The following ZCCHC24 variants were observed in gnomAD, a reference collection of about 807,000 sequenced individuals.
ZCCHC24 encodes the protein zinc finger CCHC-type containing 24.
A neutral mutation model predicts 26.2 loss-of-function variants in ZCCHC24; 10 were observed. The ratio of observed to expected loss-of-function variants is 0.38; its 90% CI spans 0.24 to 0.65. The LOEUF is 0.65. Ranked by LOEUF, ZCCHC24 falls within the 30% of genes least tolerant of loss-of-function variation. The pLI is 0.54. For missense variants in ZCCHC24, 243 were observed against 329.1 expected (o/e 0.74, Z 2.03); for synonymous variants, 144 against 147.1 (o/e 0.98, Z 0.15).
intron 2 of ZCCHC24, among the ~76,000 whole-genome samples, chr10:79,412,026 A>T (rs536435106): frequency 1.3e-5 from 2 of 152,078 alleles, no homozygotes; most frequent in African/African-American, 4.8e-5. Context: ...AGTGGGAGGA[A>T]CCACGTGGGG....
intron 2 of ZCCHC24, among the ~76,000 whole-genome samples, chr10:79,425,052 A>G (rs1260720129): frequency 6.6e-6 from 1 of 152,090 alleles, no homozygotes; most frequent in East Asian, 1.9e-4. Context: ...GGTGATGGGA[A>G]CATGTCTGGA....
chr10:79,385,721 C>A lies in ZCCHC24; in HGVS notation c.*624G>T, dbSNP rs141290665. ...CATGCCTAACCCCTCCTATCTGGGTCCATAGCGTGGGGAGGGGGGCACACC... is the reference window on the plus strand; with the variant it reads ...CATGCCTAACCCCTCCTATCTGGGTACATAGCGTGGGGAGGGGGGCACACC... On this transcript the variant is annotated 3_prime_UTR_variant, in exon 4 of 4. Transcript: ENST00000372336. This position sits in a 1 kb window ranked among gnomAD's most constrained non-coding sequence, Gnocchi z 4.3. 275 of 159,406 alleles carry A rather than the reference C, an allele frequency of 1.7e-3. 3 individuals are homozygous for A. Among genetic ancestry groups the A allele is most frequent in the African/African-American group, 6.4e-3 (267 of 41,798 alleles). 9.9% of individuals were successfully genotyped at this position (159,406 alleles called of 1,614,324 possible).
chr10:79,408,249 C>T (rs1017217283), intron 2 of ZCCHC24, among the ~76,000 whole-genome samples: 1 of 152,202 alleles, frequency 6.6e-6, no homozygotes, highest in Admixed American at 6.5e-5. Flanking sequence ...TAGCTCCCTG[C>T]TCTGCCTGCA....
At chr10:79,427,878 C>T (rs1207739822) in intron 2 of ZCCHC24, among the ~76,000 whole-genome samples, 1 of 150,906 alleles carries the variant, frequency 6.6e-6, no homozygotes. Context: ...AATCCTGTCT[C>T]CATAAAAAGA....
At chr10:79,429,243 G>A (rs1209946672) in intron 2 of ZCCHC24, among the ~76,000 whole-genome samples, 1 of 152,186 alleles carries the variant, frequency 6.6e-6, no homozygotes, top group Non-Finnish European at 1.5e-5. Flanking sequence ...TCTACAGAGA[G>A]AGAAATAGAT....
rs561884774 is a variant in ZCCHC24 at position 79,423,581 on chromosome 10, C to CTATATATATATA, written c.447+8965_447+8976dup. ...AACAAAAACAAACAAAATATATATACTATATATATATATATATATATATAT... is the reference window on the plus strand; with the variant it reads ...AACAAAAACAAACAAAATATATATACTATATATATATATATATATATATATATATATATATAT... On this transcript the variant is annotated intron_variant, in intron 2 of 3. Coordinates refer to ENST00000372336, the MANE Select transcript of ZCCHC24 (RefSeq NM_153367.4). Among the ~76,000 whole-genome samples, 84 of 53,762 alleles carry CTATATATATATA rather than the reference C, an allele frequency of 1.6e-3. 2 individuals carry two copies. The highest frequency in any genetic ancestry group is 4.9e-3 in the African/African-American group (64 of 13,020). The allele number at this position is 53,762 out of a possible 152,430, so 35.3% of individuals were successfully genotyped here.
chr10:79,438,421 C>T (rs966968733), intron 1 of ZCCHC24, among the ~76,000 whole-genome samples: 1 of 152,166 alleles, frequency 6.6e-6, no homozygotes, highest in African/African-American at 2.4e-5. Flanking sequence ...GGAGATAGCC[C>T]GTGGGCAAGG....
At chr10:79,398,354 G>C (rs185930058) in intron 2 of ZCCHC24, among the ~76,000 whole-genome samples, 1 of 152,310 alleles carries the variant, frequency 6.6e-6, no homozygotes, top group South Asian at 2.1e-4. Context: ...CCTGCCTCCC[G>C]GGGCTGTTGG....
At chr10:79,419,542 GT>G (rs1856911560) in intron 2 of ZCCHC24, among the ~76,000 whole-genome samples, 1 of 152,200 alleles carries the variant, frequency 6.6e-6, no homozygotes, top group African/African-American at 2.4e-5. Flanking sequence ...GGGCACTTGA[GT>G]TACTCCAAGA....
chr10:79,421,061 G>A (rs1856927048), intron 2 of ZCCHC24, among the ~76,000 whole-genome samples: 3 of 152,196 alleles, frequency 2.0e-5, no homozygotes, highest in African/African-American at 4.8e-5. Context: ...TGTGCTCGAA[G>A]GCACCTCACT....
intron 3 of ZCCHC24, among the ~76,000 whole-genome samples, chr10:79,388,439 C>T (rs1419130511): frequency 1.3e-5 from 2 of 152,220 alleles, no homozygotes; most frequent in East Asian, 1.9e-4. Context: ...CAGAGCCCAC[C>T]GCTCAGTTTA....
At chr10:79,387,089 A>G (rs1245166378) in intron 3 of ZCCHC24, among the ~76,000 whole-genome samples, 1 of 152,112 alleles carries the variant, frequency 6.6e-6, no homozygotes, top group Non-Finnish European at 1.5e-5. Context: ...AGTGAGCTCC[A>G]TGAGTGTTGA....
In ZCCHC24 at chr10:79,395,343, A is replaced by G. The variant is rs190476746; in HGVS notation, c.448-903T>C. Among the ~76,000 whole-genome samples the G allele has an allele frequency of 2.1e-3, 314 of 152,362 alleles. No homozygotes were observed. The Middle Eastern group carries it at 0.031, about 15-fold the overall frequency. ...CTCCGTAGTGCATTGACCAGTTACT[A>G]TTTTAGAACATCTAGCTTGTTTCTG... On this transcript the variant is annotated intron_variant, in intron 2 of 3. Coordinates refer to ENST00000372336, the MANE Select transcript of ZCCHC24 (RefSeq NM_153367.4).
chr10:79,403,441 G>T, intron 2 of ZCCHC24: 3 of 985,284 alleles, frequency 3.0e-6, no homozygotes, highest in Non-Finnish European at 3.6e-6. Flanking sequence ...ATGCACGGCC[G>T]GGGGAGGCAG....
chr10:79,392,519 C>T (rs1042684297), intron 3 of ZCCHC24, among the ~76,000 whole-genome samples: 13 of 152,200 alleles, frequency 8.5e-5, no homozygotes, highest in Admixed American at 3.3e-4. Flanking sequence ...CCCGTTTTGC[C>T]CCTGCACCAT....
intron 2 of ZCCHC24, among the ~76,000 whole-genome samples, chr10:79,415,835 G>A (rs937206652): frequency 9.2e-5 from 14 of 152,208 alleles, no homozygotes; most frequent in African/African-American, 2.2e-4. Context: ...TTTCTCCAAC[G>A]AGATGGGAAT....
intron 1 of ZCCHC24, chr10:79,444,055 G>A (rs1272881212): frequency 2.6e-6 from 4 of 1,521,466 alleles, no homozygotes; most frequent in Admixed American, 2.2e-5. Flanking sequence ...GCGTACATAG[G>A]CTTTCCTCCC....
chr10:79,423,962 G>T (rs555688346), intron 2 of ZCCHC24, among the ~76,000 whole-genome samples: 1 of 149,764 alleles, frequency 6.7e-6, no homozygotes, highest in East Asian at 2.0e-4. Flanking sequence ...AGGTTGCAGT[G>T]AGCTGAGATC....
chr10:79,410,234 C>T (rs1856772098), intron 2 of ZCCHC24, among the ~76,000 whole-genome samples: 1 of 152,224 alleles, frequency 6.6e-6, no homozygotes, highest in African/African-American at 2.4e-5. Flanking sequence ...TGAATATGAC[C>T]TGCCACCATA....
Sources: gnomAD v4.1 joint callset for allele counts (sites outside exome capture counted in the v4.1 genomes callset) on GRCh38, gnomAD v4.1.1 for gene constraint, Gnocchi (gnomAD v3.1) non-coding constraint, MANE v1.5 for transcripts, NCBI Gene and HGNC (gene_info 2026-07-23, HGNC 2026-07-21) for gene names.